MAGI1: variants seen among roughly 807,000 people sequenced by gnomAD.
MAGI1 encodes membrane-associated guanylate kinase, WW and PDZ domain-containing protein 1.
MAGI1 carries 58 observed loss-of-function variants against 139.9 expected under a neutral mutation model. That is an observed-to-expected ratio of 0.41 (90% CI 0.34 to 0.52). The LOEUF is 0.52. Among genes scored for constraint, MAGI1 ranks in the 20% least tolerant of loss-of-function variants. The pLI, the probability that MAGI1 is intolerant of heterozygous loss-of-function variation, is 0.12. For missense variants in MAGI1, 1,874 were observed against 1,901.6 expected (o/e 0.99, Z 0.27); for synonymous variants, 812 against 737.9 (o/e 1.10, Z -1.63).
chr3:65,688,204 T>C (rs2088235379), intron 1 of MAGI1: 1 of 780,854 alleles, frequency 1.3e-6, no homozygotes, highest in South Asian at 1.3e-5. Flanking sequence ...CACACAGTCA[T>C]GACCCTAGAA....
chr3:65,699,491 T>C (rs1412195529), intron 1 of MAGI1, among the ~76,000 whole-genome samples: 2 of 138,280 alleles, frequency 1.4e-5, no homozygotes, highest in African/African-American at 5.8e-5. Flanking sequence ...TGTCCAACAA[T>C]GATAGACTGG....
chr3:65,409,796 A>G (rs917312157), intron 12 of MAGI1, among the ~76,000 whole-genome samples: 2 of 152,206 alleles, frequency 1.3e-5, no homozygotes, highest in Non-Finnish European at 2.9e-5. Context: ...GGTCATTATG[A>G]AGTATTTTGA....
chr3:65,799,126 T>C (rs1411446823), intron 1 of MAGI1, among the ~76,000 whole-genome samples: 1 of 152,082 alleles, frequency 6.6e-6, no homozygotes, highest in Non-Finnish European at 1.5e-5. Flanking sequence ...AAGAAAAAAA[T>C]CATATGCTGA....
At chr3:65,474,630 C>T (rs1950757563) in intron 4 of MAGI1, among the ~76,000 whole-genome samples, 2 of 152,070 alleles carry the variant, frequency 1.3e-5, no homozygotes, top group South Asian at 4.2e-4. Flanking sequence ...CACACACACA[C>T]ACATGCACAC....
At chr3:65,788,557 T>C (rs1267407314) in intron 1 of MAGI1, among the ~76,000 whole-genome samples, 2 of 152,336 alleles carry the variant, frequency 1.3e-5, no homozygotes, top group East Asian at 3.9e-4. Flanking sequence ...CCAGCTGCGT[T>C]GCAGAGGTCT....
chr3:65,690,842 T>G (rs1342828527), intron 1 of MAGI1, among the ~76,000 whole-genome samples: 2 of 150,532 alleles, frequency 1.3e-5, no homozygotes, highest in African/African-American at 2.5e-5. Flanking sequence ...AAATTGATAT[T>G]TTGAATGATG....
intron 2 of MAGI1, chr3:65,597,784 C>T (rs1410020550): frequency 2.2e-6 from 1 of 456,546 alleles, no homozygotes; most frequent in East Asian, 7.0e-5. Flanking sequence ...GGAGGGGTGG[C>T]GAGAGGAGAT....
At chr3:65,959,385 C>T (rs2064294938) in intron 1 of MAGI1, among the ~76,000 whole-genome samples, 1 of 152,072 alleles carries the variant, frequency 6.6e-6, no homozygotes, top group Admixed American at 6.6e-5. Context: ...CACTATTCTA[C>T]CCATCACTGA....
intron 4 of MAGI1, among the ~76,000 whole-genome samples, chr3:65,476,782 A>AT (rs74357954): frequency 0.55 from 84,260 of 151,926 alleles, 25,052 homozygotes; most frequent in East Asian, 0.94. Context: ...AAAGTATGAG[A>AT]TTTTTTGAAA....
intron 5 of MAGI1, among the ~76,000 whole-genome samples, chr3:65,454,394 G>C (rs113512567): frequency 0.3 from 44,957 of 147,788 alleles, 8,707 homozygotes; most frequent in East Asian, 0.74. Flanking sequence ...GGTTGGGGGA[G>C]GGGAGAGGGA....
At chr3:65,967,455 G>A (rs1553740256) in intron 1 of MAGI1, among the ~76,000 whole-genome samples, 1 of 152,076 alleles carries the variant, frequency 6.6e-6, no homozygotes, top group Non-Finnish European at 1.5e-5. Flanking sequence ...ACCCCGACCT[G>A]CCTCCCCTCC....
chr3:66,031,016 C>T (rs531063609), intron 1 of MAGI1, among the ~76,000 whole-genome samples: 376 of 152,280 alleles, frequency 2.5e-3, no homozygotes, highest in African/African-American at 8.5e-3. Context: ...GTTGAAACAA[C>T]AAAATGAATT....
intron 1 of MAGI1, among the ~76,000 whole-genome samples, chr3:65,881,916 G>T (rs987090465): frequency 6.6e-6 from 1 of 152,136 alleles, no homozygotes; most frequent in Non-Finnish European, 1.5e-5. Flanking sequence ...GCCCTAGCTA[G>T]GCAGTGCCCA....
intron 6 of MAGI1, among the ~76,000 whole-genome samples, chr3:65,450,848 A>G (rs567893624): frequency 2.6e-4 from 40 of 152,358 alleles, no homozygotes; most frequent in African/African-American, 9.6e-4. Flanking sequence ...AGAAAGAAAT[A>G]CAGGGACAAT....
chr3:65,687,783 G>A (rs2088192258), intron 1 of MAGI1: 3 of 570,922 alleles, frequency 5.3e-6, no homozygotes, highest in Admixed American at 1.9e-5. Context: ...CCATGCTGAC[G>A]AAACTGGCTT....
At chr3:65,551,363 T>A (rs993489923) in intron 2 of MAGI1, among the ~76,000 whole-genome samples, 1 of 152,216 alleles carries the variant, frequency 6.6e-6, no homozygotes, top group African/African-American at 2.4e-5. Context: ...TGCAGTCGCA[T>A]GATCTTGGCT....
intron 1 of MAGI1, chr3:65,688,247 T>A (rs1576737101): frequency 1.2e-6 from 1 of 837,084 alleles, no homozygotes; most frequent in East Asian, 3.3e-5. Context: ...CAGCCCAGAC[T>A]CTGGTCTGAA....
chr3:65,806,716 C>A (rs1023736167), intron 1 of MAGI1, among the ~76,000 whole-genome samples: 3 of 152,122 alleles, frequency 2.0e-5, no homozygotes, highest in African/African-American at 7.2e-5. Flanking sequence ...ATTGTGCACA[C>A]CAATCAGTGA....
At chr3:65,972,531 T>G (rs968139852) in intron 1 of MAGI1, among the ~76,000 whole-genome samples, 3 of 152,226 alleles carry the variant, frequency 2.0e-5, no homozygotes, top group Admixed American at 2.0e-4. Context: ...GTAGGCACTA[T>G]ATGATCTTTA....
Sources: allele counts gnomAD v4.1 joint callset (sites outside exome capture counted in the v4.1 genomes callset), GRCh38; gene constraint gnomAD v4.1.1; transcripts MANE v1.5; gene names NCBI Gene and HGNC (gene_info 2026-07-23, HGNC 2026-07-21).